TMPRSS15: variants seen among roughly 807,000 people sequenced by gnomAD.
The protein encoded by TMPRSS15 is transmembrane serine protease 15.
Under a neutral mutation model 125.3 loss-of-function variants are expected in TMPRSS15, and 128 were observed. That is an observed-to-expected ratio of 1.02 (90% CI 0.89 to 1.18). The LOEUF (loss-of-function observed/expected upper bound fraction) is 1.18. Ranked by LOEUF, TMPRSS15 falls within the 50% of genes most tolerant of loss-of-function variation. TMPRSS15 has a pLI of 0.00. For missense variants in TMPRSS15, 1,283 were observed against 1,212.7 expected (o/e 1.06, Z -0.86); for synonymous variants, 446 against 423.2 (o/e 1.05, Z -0.66).
chr21:18,271,057 G>GAAA (rs1449151874), intron 24 of TMPRSS15, among the ~76,000 whole-genome samples: 1 of 151,914 alleles, frequency 6.6e-6, no homozygotes, highest in Non-Finnish European at 1.5e-5. Flanking sequence ...TATATTTAAA[G>GAAA]AAAAAAATGT....
intron 1 of TMPRSS15, among the ~76,000 whole-genome samples, chr21:18,474,724 G>T (rs933315540): frequency 2.6e-5 from 4 of 152,170 alleles, no homozygotes; most frequent in Admixed American, 1.3e-4. Flanking sequence ...ACAAACAAAA[G>T]ATGTTACTGG....
At chr21:18,344,849 A>G (rs2075488458) in intron 10 of TMPRSS15, among the ~76,000 whole-genome samples, 1 of 152,240 alleles carries the variant, frequency 6.6e-6, no homozygotes, top group African/African-American at 2.4e-5. Flanking sequence ...TATTATATAA[A>G]GCAAATGTGA....
chr21:18,362,351 G>T (rs577659712), intron 7 of TMPRSS15, among the ~76,000 whole-genome samples: 11 of 152,246 alleles, frequency 7.2e-5, no homozygotes, highest in African/African-American at 2.6e-4. Flanking sequence ...AATATGGTGA[G>T]TGTTTTTTCA....
At chr21:18,419,262 G>C (rs1288721020) in intron 1 of TMPRSS15, among the ~76,000 whole-genome samples, 1 of 115,280 alleles carries the variant, frequency 8.7e-6, no homozygotes, top group Non-Finnish European at 1.6e-5. Context: ...GTCTCGCTCT[G>C]TTACCCAGGC....
chr21:18,285,193 C>T (rs897556187), intron 21 of TMPRSS15, among the ~76,000 whole-genome samples: 1 of 152,030 alleles, frequency 6.6e-6, no homozygotes, highest in Non-Finnish European at 1.5e-5. Context: ...TGCTTTTTTC[C>T]CATTTCCTGA....
chr21:18,402,784 T>C (rs776122153), intron 1 of TMPRSS15, among the ~76,000 whole-genome samples: 2 of 152,182 alleles, frequency 1.3e-5, no homozygotes, highest in Non-Finnish European at 2.9e-5. Flanking sequence ...AAGTTACTTC[T>C]AGTCTCTGTC....
chr21:18,326,672 A>G (rs935596622), intron 15 of TMPRSS15, 100 bp from the exon 16 acceptor site: 1 of 1,385,536 alleles, frequency 7.2e-7, no homozygotes, highest in Non-Finnish European at 1.0e-6. Flanking sequence ...GTAGGGCTAC[A>G]TGTTACATGG....
chr21:18,322,407 CA>C (rs2075248009), intron 16 of TMPRSS15, among the ~76,000 whole-genome samples: 1 of 152,096 alleles, frequency 6.6e-6, no homozygotes, highest in Non-Finnish European at 1.5e-5. Context: ...AGCAGTATAT[CA>C]AAGAGATATC....
chr21:18,276,199 C>T (rs533798421), intron 23 of TMPRSS15, among the ~76,000 whole-genome samples: 2 of 152,268 alleles, frequency 1.3e-5, no homozygotes, highest in African/African-American at 4.8e-5. Context: ...AAAGTGTGTT[C>T]GTGCACACGT....
At chr21:18,329,759 AT>A in intron 14 of TMPRSS15, among the ~76,000 whole-genome samples, 1 of 151,712 alleles carries the variant, frequency 6.6e-6, no homozygotes, top group Non-Finnish European at 1.5e-5. Flanking sequence ...CATTTAGTTC[AT>A]TAAAAAAACA....
At chr21:18,460,029 T>C (rs572776788) in intron 1 of TMPRSS15, among the ~76,000 whole-genome samples, 22 of 152,310 alleles carry the variant, frequency 1.4e-4, no homozygotes, top group South Asian at 6.2e-4. Flanking sequence ...TTCTGTGATG[T>C]TTAAATATTA....
chr21:18,459,874 A>AT (rs1165990306), intron 1 of TMPRSS15, among the ~76,000 whole-genome samples: 1 of 152,094 alleles, frequency 6.6e-6, no homozygotes, highest in East Asian at 1.9e-4. Context: ...AAGTTTTGTA[A>AT]TTTTCAGTGT....
chr21:18,424,216 A>C (rs887591159), intron 1 of TMPRSS15, among the ~76,000 whole-genome samples: 3 of 152,202 alleles, frequency 2.0e-5, no homozygotes, highest in Non-Finnish European at 4.4e-5. Flanking sequence ...AATAATTTCC[A>C]AAAATCATCA....
intron 15 of TMPRSS15, 120 bp from the exon 16 acceptor site, chr21:18,326,692 AG>A: frequency 1.8e-6 from 2 of 1,101,636 alleles, no homozygotes; most frequent in Non-Finnish European, 2.7e-6. Context: ...GCTCGCTCAT[AG>A]AGCAGCCACA....
intron 16 of TMPRSS15, among the ~76,000 whole-genome samples, chr21:18,319,422 ATTTTTTTTTT>A (rs35796863): frequency 3.3e-3 from 351 of 105,310 alleles, no homozygotes; most frequent in African/African-American, 0.012. Context: ...TTCTTCACCG[ATTTTTTTTTT>A]TTTTTTTTTT....
At chr21:18,281,352 C>A (rs2146872068) in intron 21 of TMPRSS15, 131 bp from the exon 22 acceptor site, 1 of 824,878 alleles carries the variant, frequency 1.2e-6, no homozygotes, top group Non-Finnish European at 2.0e-6. Flanking sequence ...AAGAATCATC[C>A]TTTAAAAATA....
intron 21 of TMPRSS15, among the ~76,000 whole-genome samples, chr21:18,286,635 C>T (rs1055699559): frequency 2.0e-5 from 3 of 152,364 alleles, no homozygotes; most frequent in Admixed American, 6.5e-5. Context: ...CCAGCCACTT[C>T]CTCAGCTTCT....
chr21:18,457,065 A>T (rs1601469182), intron 1 of TMPRSS15, among the ~76,000 whole-genome samples: 1 of 152,232 alleles, frequency 6.6e-6, no homozygotes, highest in African/African-American at 2.4e-5. Flanking sequence ...TTACTATGTG[A>T]CCTTCAGTAA....
At position 18,329,331 on chromosome 21, in the gene TMPRSS15, C is replaced by G. The variant is rs535962473; in HGVS notation, c.1655-37G>C. ...GAAGTAACATTTAATTTGGAACACA[C>G]TTGGTGATTTCTCTTAAAAGCTTCA... is the stretch of plus-strand genomic sequence containing the variant. On this transcript the variant is annotated intron_variant, in intron 14 of 24. Transcript: ENST00000284885. 3.1e-6 allele frequency: 5 copies of G among 1,593,540 alleles called. No individual in the cohort carries two copies. In the South Asian group the frequency reaches 5.6e-5, roughly 18 times the overall value.
Sources: allele counts gnomAD v4.1 joint callset (sites outside exome capture counted in the v4.1 genomes callset), GRCh38; gene constraint gnomAD v4.1.1; transcripts MANE v1.5; gene names NCBI Gene and HGNC (gene_info 2026-07-23, HGNC 2026-07-21).